RAB3IP: variants seen among roughly 807,000 people sequenced by gnomAD.
RAB3IP encodes RAB3A interacting protein, also known as rab-3A-interacting protein.
RAB3IP carries 36 observed loss-of-function variants against 59.1 expected under a neutral mutation model. The observed-to-expected ratio is 0.61, with a 90% confidence interval of 0.47 to 0.80. The LOEUF (loss-of-function observed/expected upper bound fraction) is 0.80, where lower values mean the gene tolerates loss of function less well. Ranked by LOEUF, RAB3IP falls within the 30% of genes least tolerant of loss-of-function variation. RAB3IP has a pLI of 0.00. For synonymous variants in RAB3IP, 207 were observed against 191.2 expected (o/e 1.08, Z -0.68); for missense variants, 511 against 536.0 (o/e 0.95, Z 0.46).
In RAB3IP at chr12:69,822,855, C is replaced by G. The variant is rs1166298321; in HGVS notation, c.*7409C>G. ...CCACCATCTTTCTTCAGCCTATTTTCCTATCTCCTCTCGCACCATACTAGG... is the reference window on the plus strand; with the variant it reads ...CCACCATCTTTCTTCAGCCTATTTTGCTATCTCCTCTCGCACCATACTAGG... On this transcript the variant is annotated 3_prime_UTR_variant, in exon 11 of 11. Coordinates refer to ENST00000247833, the MANE Select transcript of RAB3IP (RefSeq NM_022456.5). 2 of 152,110 alleles carry G rather than the reference C, an allele frequency of 1.3e-5. No homozygotes were observed. The highest frequency in any genetic ancestry group is 4.8e-5 in the African/African-American group (2 of 41,404). 9.4% of individuals were successfully genotyped at this position (152,110 alleles called of 1,614,324 possible).
intron 3 of RAB3IP, among the ~76,000 whole-genome samples, chr12:69,767,587 C>T (rs1872429869): frequency 6.6e-6 from 1 of 152,250 alleles, no homozygotes; most frequent in Non-Finnish European, 1.5e-5. Flanking sequence ...CCTAAGTTCT[C>T]TGCATGGGAG....
rs377006215 is a variant in RAB3IP at position 69,755,384 on chromosome 12, G to A, written c.-25G>A. The A allele has an allele frequency of 3.7e-6, 6 of 1,610,600 alleles. No individual in the cohort carries two copies. In the Admixed American group the frequency reaches 5.0e-5, roughly 13 times the overall value. On this transcript the variant is annotated splice_region_variant and 5_prime_UTR_variant, in exon 2 of 11. Coordinates refer to ENST00000247833, the MANE Select transcript of RAB3IP (RefSeq NM_022456.5). ...GTATCTGCTTTTTGTTTTAACATAG[G>A]TTATCTTATGATGAGGCTTTTGCTA...
At chr12:69,789,609 C>T (rs538670042) in intron 4 of RAB3IP, among the ~76,000 whole-genome samples, 1 of 152,040 alleles carries the variant, frequency 6.6e-6, no homozygotes, top group Non-Finnish European at 1.5e-5. Flanking sequence ...CACTCTGATA[C>T]CAAAGCCAGT....
rs1399748421 is a variant in RAB3IP at position 69,818,347 on chromosome 12, G to C, written c.*2901G>C. 6.6e-6 allele frequency: 1 copy of C among 152,138 alleles called. No individual in the cohort carries two copies. Among genetic ancestry groups the C allele is most frequent in the Admixed American group, 6.5e-5 (1 of 15,274 alleles). 9.4% of individuals were successfully genotyped at this position (152,138 alleles called of 1,614,324 possible). ...GCCTGTGGTCCCAGCTACTTGGGAAGCTGAGGTGGAAGGATTGCTTAAGCC... is the reference window on the plus strand; with the variant it reads ...GCCTGTGGTCCCAGCTACTTGGGAACCTGAGGTGGAAGGATTGCTTAAGCC... On this transcript the variant is annotated 3_prime_UTR_variant, in exon 11 of 11. Transcript: ENST00000247833.
At position 69,784,802 on chromosome 12, in the gene RAB3IP, C is replaced by T. The variant is rs1488331412; in HGVS notation, c.593C>T (p.Ala198Val). Reference sequence around the variant, plus strand: ...GGACAGGAATTGGAAGAACTCACAGCTAGTCTATTTGAGGTTGGTCTATTT... The same window carrying T: ...GGACAGGAATTGGAAGAACTCACAGTTAGTCTATTTGAGGTTGGTCTATTT... ...QLGQELEELT[A>V]SLFEEAHKMV... The change falls in exon 4 of 11, where the codon GCT becomes GTT. Residue 198 changes from alanine to valine, a missense_variant. Ala to Val is a moderately conservative substitution (Grantham distance 64, BLOSUM62 0). Coordinates refer to ENST00000247833, the MANE Select transcript of RAB3IP (RefSeq NM_022456.5). 4 of 1,602,766 alleles carry T rather than the reference C, an allele frequency of 2.5e-6. No homozygotes were observed. Among genetic ancestry groups the T allele is most frequent in the Non-Finnish European group, 3.4e-6 (4 of 1,172,280 alleles).
chr12:69,808,833 T>G (rs1232467112), intron 8 of RAB3IP, among the ~76,000 whole-genome samples: 1 of 152,236 alleles, frequency 6.6e-6, no homozygotes, highest in Non-Finnish European at 1.5e-5. Context: ...AGCATACTGA[T>G]GGGTCTTGAC....
At chr12:69,759,136 T>G (rs1157705161) in intron 3 of RAB3IP, among the ~76,000 whole-genome samples, 1 of 145,718 alleles carries the variant, frequency 6.9e-6, no homozygotes, top group African/African-American at 2.5e-5. Context: ...CCTGCGGCCT[T>G]CCGCAGTGTT....
At chr12:69,809,724 T>G (rs1880097883) in intron 8 of RAB3IP, among the ~76,000 whole-genome samples, 1 of 152,252 alleles carries the variant, frequency 6.6e-6, no homozygotes. Context: ...CGTCACGTAG[T>G]TCTCATGCCA....
chr12:69,797,215 G>GT (rs1877566904), intron 6 of RAB3IP, among the ~76,000 whole-genome samples: 1 of 152,182 alleles, frequency 6.6e-6, no homozygotes, highest in Admixed American at 6.5e-5. Flanking sequence ...TACATGCCCA[G>GT]TGCAAGGCTT....
intron 6 of RAB3IP, among the ~76,000 whole-genome samples, chr12:69,797,412 A>G (rs548490243): frequency 1.3e-5 from 2 of 151,536 alleles, no homozygotes; most frequent in South Asian, 4.2e-4. Context: ...ACAGCCTTTA[A>G]ACTAGAATCT....
rs1881759294 is a variant in RAB3IP at position 69,821,647 on chromosome 12, G to A, written c.*6201G>A. On this transcript the variant is annotated 3_prime_UTR_variant, in exon 11 of 11. Coordinates refer to ENST00000247833, the MANE Select transcript of RAB3IP (RefSeq NM_022456.5). The stretch of plus-strand genomic sequence containing the variant: ...TTGTCCATCTTGTTTTTGAACAATT[G>A]CCAGCATTTAAAAATGAGGAAATCT... The A allele has an allele frequency of 6.6e-6, 1 of 152,080 alleles. No individual in the cohort carries two copies. Among genetic ancestry groups the A allele is most frequent in the African/African-American group, 2.4e-5 (1 of 41,418 alleles). The allele number at this position is 152,080 out of a possible 1,614,324, so 9.4% of individuals were successfully genotyped here.
intron 3 of RAB3IP, among the ~76,000 whole-genome samples, chr12:69,762,780 GAA>G (rs1175038646): frequency 9.2e-6 from 1 of 108,202 alleles, no homozygotes; most frequent in Non-Finnish European, 2.0e-5. Flanking sequence ...AAAAAAAAAA[GAA>G]AAAAGAGAAA....
In RAB3IP at chr12:69,753,216, G is replaced by T. The variant is rs192143672; in HGVS notation, c.-25-2168G>T. On this transcript the variant is annotated intron_variant, in intron 1 of 10. Transcript: ENST00000247833. ...ACTGAGTCAGATCTCTTTCAACTTT[G>T]CTGAAATCTTTTTGTTTTTATTCTC... is the stretch of plus-strand genomic sequence containing the variant. Among the ~76,000 whole-genome samples, 7 of 152,158 alleles carry T rather than the reference G, an allele frequency of 4.6e-5. No individual in the cohort carries two copies. The East Asian group carries it at 1.4e-3, about 29-fold the overall frequency.
intron 8 of RAB3IP, among the ~76,000 whole-genome samples, chr12:69,808,959 T>G (rs1879938872): frequency 1.3e-5 from 2 of 151,964 alleles, no homozygotes; most frequent in Admixed American, 1.3e-4. Context: ...TAGCTGGTTA[T>G]TTTGCTCATT....
intron 8 of RAB3IP, among the ~76,000 whole-genome samples, chr12:69,804,402 G>C (rs1324070673): frequency 6.6e-6 from 1 of 152,156 alleles, no homozygotes; most frequent in African/African-American, 2.4e-5. Context: ...CTAGCCCTTT[G>C]TCAGATGAGT....
At chr12:69,743,414 A>G (rs1189095427) in intron 1 of RAB3IP, among the ~76,000 whole-genome samples, 3 of 152,236 alleles carry the variant, frequency 2.0e-5, no homozygotes, top group Admixed American at 6.5e-5. Context: ...ATAAATAAAG[A>G]TACCTTCTGA....
intron 8 of RAB3IP, among the ~76,000 whole-genome samples, chr12:69,802,167 G>A (rs1189203271): frequency 6.6e-6 from 1 of 151,112 alleles, no homozygotes; most frequent in Non-Finnish European, 1.5e-5. Context: ...ACACGTATAT[G>A]TGTAGCCATG....
intron 3 of RAB3IP, among the ~76,000 whole-genome samples, chr12:69,763,001 C>T (rs183270366): frequency 1.7e-3 from 253 of 152,112 alleles, no homozygotes; most frequent in African/African-American, 5.9e-3. Flanking sequence ...ACATAAGCTC[C>T]GTCAAGTTGA....
chr12:69,782,553 CTGGTGAAGTGTCTGTTT>C (rs1210811928), intron 3 of RAB3IP, among the ~76,000 whole-genome samples: 11 of 152,210 alleles, frequency 7.2e-5, no homozygotes, highest in Non-Finnish European at 1.6e-4. Context: ...TCTGCCTTCT[CTGGTGAAGTGTCTGTTT>C]TGGTCATTTG....
Sources: gnomAD v4.1 joint callset for allele counts (sites outside exome capture counted in the v4.1 genomes callset) on GRCh38, gnomAD v4.1.1 for gene constraint, MANE v1.5 for transcripts, NCBI Gene and HGNC (gene_info 2026-07-23, HGNC 2026-07-21) for gene names.